Variants in SLC35F1 observed in about 807,000 individuals in gnomAD.
The protein encoded by SLC35F1 is solute carrier family 35 member F1.
In SLC35F1, 14 loss-of-function variants were observed where a neutral mutation model predicts 48.7. That is an observed-to-expected ratio of 0.29 (90% confidence interval 0.19 to 0.45). SLC35F1 has a LOEUF of 0.45. SLC35F1 is among the 20% of genes least tolerant of loss of function. SLC35F1 has a pLI of 1.00. For synonymous variants in SLC35F1, 190 were observed against 202.2 expected, an observed-to-expected ratio of 0.94 and a Z score of 0.51; for missense variants, 404 against 500.0, an observed-to-expected ratio of 0.81 and a Z score of 1.83.
At chr6:118,310,300 T>C (rs1296867769) in intron 7 of SLC35F1, among the ~76,000 whole-genome samples, 2 of 152,170 alleles carry the variant, frequency 1.3e-5, no homozygotes, top group Non-Finnish European at 2.9e-5. Flanking sequence ...GAGAAGTTCC[T>C]GATGTCTTTC....
At chr6:118,261,545 T>C (rs551347892) in intron 3 of SLC35F1, among the ~76,000 whole-genome samples, 1 of 152,332 alleles carries the variant, frequency 6.6e-6, no homozygotes, top group East Asian at 1.9e-4. Flanking sequence ...AGGGCCCACG[T>C]GAACGCACAC....
At chr6:118,027,450 A>T (rs1771975349) in intron 1 of SLC35F1, among the ~76,000 whole-genome samples, 1 of 152,134 alleles carries the variant, frequency 6.6e-6, no homozygotes, top group Non-Finnish European at 1.5e-5. Flanking sequence ...CACCAATACT[A>T]GGTATGGTCA....
At chr6:118,199,115 T>C in intron 2 of SLC35F1, among the ~76,000 whole-genome samples, 1 of 152,214 alleles carries the variant, frequency 6.6e-6, no homozygotes, top group East Asian at 1.9e-4. Flanking sequence ...CTGGGGAAAC[T>C]TGTATTGCTG....
chr6:118,309,213 A>AT (rs1055046377), intron 7 of SLC35F1, among the ~76,000 whole-genome samples: 2 of 144,624 alleles, frequency 1.4e-5, no homozygotes, highest in Admixed American at 6.9e-5. Flanking sequence ...GCGTGTGTGT[A>AT]TTTTTTTTTA....
intron 2 of SLC35F1, among the ~76,000 whole-genome samples, chr6:118,226,025 G>A (rs1775212522): frequency 1.3e-5 from 2 of 152,036 alleles, no homozygotes; most frequent in Non-Finnish European, 2.9e-5. Context: ...CAACTAAATA[G>A]CAAAATGTCG....
At chr6:117,918,462 G>C (rs780517031) in intron 1 of SLC35F1, among the ~76,000 whole-genome samples, 6 of 152,128 alleles carry the variant, frequency 3.9e-5, no homozygotes, top group Non-Finnish European at 8.8e-5. Context: ...TCATGATTTC[G>C]TGGTGGGAAT....
intron 1 of SLC35F1, among the ~76,000 whole-genome samples, chr6:118,031,306 ACTTT>A (rs1378740523): frequency 1.3e-5 from 2 of 152,162 alleles, no homozygotes; most frequent in Non-Finnish European, 2.9e-5. Context: ...ATGAAATACT[ACTTT>A]CAAGGGCAGG....
At chr6:118,256,226 G>C (rs1311699282) in intron 3 of SLC35F1, among the ~76,000 whole-genome samples, 2 of 59,160 alleles carry the variant, frequency 3.4e-5, no homozygotes, top group Non-Finnish European at 1.0e-4. Context: ...GTGTGTGTGT[G>C]TGTGTGTGTG....
At position 117,978,451 on chromosome 6, in the gene SLC35F1, C is replaced by G. The variant is rs557245662; in HGVS notation, c.173+70552C>G. On this transcript the variant is annotated intron_variant, in intron 1 of 7. Coordinates refer to ENST00000360388, the MANE Select transcript of SLC35F1 (RefSeq NM_001029858.4). Reference sequence around the variant, plus strand: ...TTTTTTGTGGACACCAACACCGTGTCCCTCCCCTTCCTTACATCTTCATCA... The same window carrying G: ...TTTTTTGTGGACACCAACACCGTGTGCCTCCCCTTCCTTACATCTTCATCA... 2.1e-3 allele frequency among the ~76,000 whole-genome samples: 325 copies of G among 152,242 alleles called. 1 individual carries two copies. The highest frequency in any genetic ancestry group is 3.5e-3 in the Non-Finnish European group (241 of 68,010).
intron 1 of SLC35F1, among the ~76,000 whole-genome samples, chr6:118,052,088 C>T (rs1772399663): frequency 6.6e-6 from 1 of 152,070 alleles, no homozygotes; most frequent in African/African-American, 2.4e-5. Context: ...TGGCTCTTCT[C>T]ATCTCACCCT....
intron 6 of SLC35F1, among the ~76,000 whole-genome samples, chr6:118,280,927 A>G (rs1316127397): frequency 6.6e-6 from 1 of 151,786 alleles, no homozygotes; most frequent in African/African-American, 2.4e-5. Flanking sequence ...AGGCCTAGGG[A>G]GTTGAGGTGA....
intron 7 of SLC35F1, among the ~76,000 whole-genome samples, chr6:118,308,196 C>T (rs1192260186): frequency 6.6e-6 from 1 of 152,200 alleles, no homozygotes; most frequent in Non-Finnish European, 1.5e-5. Flanking sequence ...AACTGGTAAT[C>T]TTCTTCCAAT....
intron 1 of SLC35F1, among the ~76,000 whole-genome samples, chr6:118,035,667 C>T (rs1444330533): frequency 1.4e-5 from 2 of 147,908 alleles, no homozygotes; most frequent in Non-Finnish European, 1.5e-5. Context: ...AAACCCCCAA[C>T]ATTTGGCTTT....
At chr6:117,999,277 C>T (rs1777049738) in intron 1 of SLC35F1, 2 of 1,596,018 alleles carry the variant, frequency 1.3e-6, no homozygotes, top group Middle Eastern at 2.3e-4. Flanking sequence ...ACGTTGCCCA[C>T]CCCAAGCTTG....
rs149047506 is a variant in SLC35F1, at chr6:118,059,951, G to A, written c.174-94494G>A. Reference sequence around the variant, plus strand: ...ATAGTGTTTATAAAATACGCTTTAGGGCTTTGTATTAGAAATAAGCATGGT... The same window carrying A: ...ATAGTGTTTATAAAATACGCTTTAGAGCTTTGTATTAGAAATAAGCATGGT... On this transcript the variant is annotated intron_variant, in intron 1 of 7. Coordinates refer to ENST00000360388, the MANE Select transcript of SLC35F1 (RefSeq NM_001029858.4). Among the ~76,000 whole-genome samples, 104 of 152,080 alleles carry A rather than the reference G, an allele frequency of 6.8e-4. 1 individual carries two copies. In the Middle Eastern group the frequency reaches 0.01, roughly 15 times the overall value.
intron 1 of SLC35F1, among the ~76,000 whole-genome samples, chr6:117,966,542 A>G (rs1275859173): frequency 1.8e-4 from 28 of 151,936 alleles, no homozygotes; most frequent in Admixed American, 1.8e-3. Flanking sequence ...AACCCACCAG[A>G]AGGAAGAAAC....
intron 1 of SLC35F1, among the ~76,000 whole-genome samples, chr6:118,106,915 A>C (rs2114375217): frequency 6.6e-6 from 1 of 152,264 alleles, no homozygotes; most frequent in African/African-American, 2.4e-5. Flanking sequence ...CTCCTTACTG[A>C]AATGTCACCT....
In SLC35F1 at chr6:118,229,949, A is replaced by C. The variant is rs147830309; in HGVS notation, c.350-5560A>C. 3.9e-3 allele frequency among the ~76,000 whole-genome samples: 601 copies of C among 152,340 alleles called. 5 individuals are homozygous for C. The highest frequency in any genetic ancestry group is 0.014 in the African/African-American group (574 of 41,580). ...TGCTATCTTACTTCAAATTAGAATG[A>C]CTTTCATTATGTTTTACACATTTGC... On this transcript the variant is annotated intron_variant, in intron 2 of 7. Transcript: ENST00000360388.
chr6:117,925,289 T>A (rs13192257), intron 1 of SLC35F1, among the ~76,000 whole-genome samples: 1 of 151,866 alleles, frequency 6.6e-6, no homozygotes, highest in Admixed American at 6.6e-5. Flanking sequence ...GATAAAGGAC[T>A]TGCATTTAGA....
Sources: gnomAD v4.1 joint callset for allele counts (sites outside exome capture counted in the v4.1 genomes callset) on GRCh38, gnomAD v4.1.1 for gene constraint, MANE v1.5 for transcripts, NCBI Gene and HGNC (gene_info 2026-07-23, HGNC 2026-07-21) for gene names.